CSPP1: variants seen among roughly 807,000 people sequenced by gnomAD.
The protein encoded by CSPP1 is centrosome and spindle pole-associated protein 1.
In CSPP1, 126 loss-of-function variants were observed where a neutral mutation model predicts 164.4. The ratio of observed to expected loss-of-function variants is 0.77; its 90% confidence interval spans 0.66 to 0.89. CSPP1 has a LOEUF of 0.89. CSPP1 is among the 40% of genes least tolerant of loss of function. The probability of loss-of-function intolerance (pLI) is 0.00; values close to 1 mark genes in which losing one functional copy is unlikely to be tolerated. For synonymous variants in CSPP1, 472 were observed against 476.7 expected, an observed-to-expected ratio of 0.99 and a Z score of 0.13; for missense variants, 1,395 against 1,449.8, an observed-to-expected ratio of 0.96 and a Z score of 0.61.
At chr8:67,169,984 G>A (rs192232942) in intron 24 of CSPP1, among the ~76,000 whole-genome samples, 479 of 152,038 alleles carry the variant, frequency 3.2e-3, no homozygotes, top group Non-Finnish European at 5.9e-3. Context: ...CTGAGTTCAA[G>A]CAATACGTCG....
Position 67,124,678 on chromosome 8 carries a change from T to A in CSPP1, c.1697+5857T>A, listed in dbSNP as rs189215154. On this transcript the variant is annotated intron_variant, in intron 15 of 30. Transcript: ENST00000678616. The stretch of plus-strand genomic sequence containing the variant: ...ACCAATGCTCAGCTAATTAAAAAAA[T>A]TTTTTGTTTTGTTTTGTTTTGGAGA... Among the ~76,000 whole-genome samples, 429 of 151,898 alleles carry A rather than the reference T, an allele frequency of 2.8e-3. 10 individuals carry two copies. The East Asian group carries it at 0.072, about 25-fold the overall frequency.
At chr8:67,131,789 G>A in intron 15 of CSPP1, among the ~76,000 whole-genome samples, 162 bp from the exon 16 acceptor site, 1 of 152,228 alleles carries the variant, frequency 6.6e-6, no homozygotes, top group East Asian at 1.9e-4. Flanking sequence ...GCAGGAAGGA[G>A]CTAAGGAAGG....
intron 20 of CSPP1, 45 bp downstream of exon 20, chr8:67,158,641 T>G: frequency 6.6e-7 from 1 of 1,520,138 alleles, no homozygotes; most frequent in Non-Finnish European, 8.8e-7. Flanking sequence ...AGTCTGAAGG[T>G]GAAATCTTTG....
At chr8:67,181,190 C>G (rs772925840) in intron 28 of CSPP1, among the ~76,000 whole-genome samples, 1 of 151,752 alleles carries the variant, frequency 6.6e-6, no homozygotes, top group Non-Finnish European at 1.5e-5. Flanking sequence ...GCATGCACCA[C>G]GATACCTGGT....
chr8:67,182,644 T>A (rs1833346940), intron 28 of CSPP1, among the ~76,000 whole-genome samples: 1 of 152,220 alleles, frequency 6.6e-6, no homozygotes, highest in Non-Finnish European at 1.5e-5. Context: ...TCCTTAACAC[T>A]TGTTACTTTG....
At chr8:67,107,049 T>G (rs1295295694) in intron 9 of CSPP1, among the ~76,000 whole-genome samples, 1 of 149,888 alleles carries the variant, frequency 6.7e-6, no homozygotes, top group Non-Finnish European at 1.5e-5. Context: ...TATGTTTTGT[T>G]TTTTTTTTTT....
intron 18 of CSPP1, among the ~76,000 whole-genome samples, chr8:67,152,486 G>T (rs1277011268): frequency 6.6e-6 from 1 of 152,184 alleles, no homozygotes; most frequent in Non-Finnish European, 1.5e-5. Flanking sequence ...ATCATGCCAA[G>T]ATACATTTCT....
At chr8:67,186,491 C>T (rs1834633518) in intron 28 of CSPP1, among the ~76,000 whole-genome samples, 1 of 151,448 alleles carries the variant, frequency 6.6e-6, no homozygotes, top group East Asian at 1.9e-4. Context: ...CTAAAGTCTA[C>T]CACCCATTTA....
Position 67,195,954 on chromosome 8 carries a change from T to C in CSPP1, c.*361T>C, listed in dbSNP as rs1452469607. On this transcript the variant is annotated 3_prime_UTR_variant, in exon 31 of 31. Coordinates refer to ENST00000678616, the MANE Select transcript of CSPP1 (RefSeq NM_001382391.1). ...ACTCCCCTTTGTTACATGCACATTT[T>C]CCATTGTTACCTCGATGCAAAAGAA... is the stretch of plus-strand genomic sequence containing the variant. The C allele has an allele frequency of 1.6e-5, 3 of 183,334 alleles. No individual in the cohort carries two copies. The highest frequency in any genetic ancestry group is 3.5e-5 in the Non-Finnish European group (3 of 86,576). The allele number at this position is 183,334 out of a possible 1,614,324, so 11.4% of individuals were successfully genotyped here. A position where few individuals can be genotyped will look rare whatever the true frequency, so the allele number is the denominator to read the frequency against.
intron 15 of CSPP1, among the ~76,000 whole-genome samples, chr8:67,129,750 T>C (rs571273023): frequency 3.2e-4 from 48 of 152,318 alleles, no homozygotes; most frequent in Non-Finnish European, 4.4e-5. Context: ...AATGAATCTA[T>C]ACATACTATA....
intron 28 of CSPP1, among the ~76,000 whole-genome samples, chr8:67,180,917 A>G (rs1335485827): frequency 6.6e-6 from 1 of 152,102 alleles, no homozygotes; most frequent in Non-Finnish European, 1.5e-5. Context: ...TGTTTCTGCT[A>G]TCCTAGGGCC....
chr8:67,139,932 A>G (rs1392427973), intron 17 of CSPP1, among the ~76,000 whole-genome samples: 1 of 152,228 alleles, frequency 6.6e-6, no homozygotes, highest in Non-Finnish European at 1.5e-5. Flanking sequence ...AACATGGCAC[A>G]TGTATACATA....
At chr8:67,107,210 G>A (rs973420920) in intron 9 of CSPP1, among the ~76,000 whole-genome samples, 4 of 151,998 alleles carry the variant, frequency 2.6e-5, no homozygotes, top group African/African-American at 9.7e-5. Flanking sequence ...ACCATGCCTG[G>A]CTAATTTTTG....
At chr8:67,168,262 G>C (rs961086727) in intron 24 of CSPP1, among the ~76,000 whole-genome samples, 4 of 151,156 alleles carry the variant, frequency 2.6e-5, no homozygotes, top group Non-Finnish European at 4.4e-5. Context: ...GTCCAGCTTC[G>C]GCTCGGCATC....
At chr8:67,092,032 T>C (rs1014550930) in intron 5 of CSPP1, 149 bp downstream of exon 5, 2 of 247,576 alleles carry the variant, frequency 8.1e-6, no homozygotes, top group South Asian at 5.3e-5. Flanking sequence ...CGTGGAGTCA[T>C]ATTTATGCTG....
chr8:67,137,141 C>G (rs1215110059), intron 16 of CSPP1, among the ~76,000 whole-genome samples: 1 of 151,820 alleles, frequency 6.6e-6, no homozygotes, highest in African/African-American at 2.4e-5. Flanking sequence ...GCAACCACAC[C>G]CAGCTAATTT....
chr8:67,110,707 C>G (rs2129549155), intron 9 of CSPP1, among the ~76,000 whole-genome samples: 1 of 152,298 alleles, frequency 6.6e-6, no homozygotes, highest in South Asian at 2.1e-4. Context: ...CTCTTTACCT[C>G]TTTACCTGTA....
At chr8:67,166,199 C>G (rs1829273972) in intron 24 of CSPP1, among the ~76,000 whole-genome samples, 1 of 152,164 alleles carries the variant, frequency 6.6e-6, no homozygotes, top group Non-Finnish European at 1.5e-5. Flanking sequence ...TCCCTAGAAT[C>G]AGCTATTTCT....
rs186986160 is a variant in CSPP1, at chr8:67,177,667, C to T, written c.3110-13C>T. The T allele has an allele frequency of 3.8e-6, 6 of 1,597,146 alleles. No individual in the cohort carries two copies. In the East Asian group the frequency reaches 6.7e-5, roughly 18 times the overall value. ...TGACCTTTTAATTTGCTTTTGTTCTCCATTGACTACAGTTGACTTAGATGC... is the reference window on the plus strand; with the variant it reads ...TGACCTTTTAATTTGCTTTTGTTCTTCATTGACTACAGTTGACTTAGATGC... On this transcript the variant is annotated splice_polypyrimidine_tract_variant and intron_variant, in intron 26 of 30. Transcript: ENST00000678616.
Sources: allele counts gnomAD v4.1 joint callset (sites outside exome capture counted in the v4.1 genomes callset), GRCh38; gene constraint gnomAD v4.1.1; transcripts MANE v1.5; gene names NCBI Gene and HGNC (gene_info 2026-07-23, HGNC 2026-07-21).